GREB1L: variants seen among roughly 807,000 people sequenced by gnomAD.
GREB1L encodes the protein GREB1-like protein.
Under a neutral mutation model 200.8 loss-of-function variants are expected in GREB1L, and 17 were observed. The observed-to-expected ratio is 0.08, with a 90% confidence interval of 0.06 to 0.13. The LOEUF (loss-of-function observed/expected upper bound fraction) is 0.13, where lower values mean the gene tolerates loss of function less well. Among genes scored for constraint, GREB1L ranks in the 10% least tolerant of loss-of-function variants. The pLI is 1.00. For synonymous variants in GREB1L, 789 were observed against 893.0 expected, an observed-to-expected ratio of 0.88 and a Z score of 2.08; for missense variants, 1,657 against 2,367.7, an observed-to-expected ratio of 0.70 and a Z score of 6.23.
chr18:21,424,200 A>T (rs1465941184), intron 7 of GREB1L, among the ~76,000 whole-genome samples: 1 of 152,190 alleles, frequency 6.6e-6, no homozygotes, highest in African/African-American at 2.4e-5. Context: ...ACAGTAATGC[A>T]TAGTGTAATT....
intron 1 of GREB1L, among the ~76,000 whole-genome samples, chr18:21,332,754 C>T (rs2039124433): frequency 6.6e-6 from 1 of 152,268 alleles, no homozygotes; most frequent in East Asian, 1.9e-4. Context: ...AGATTACAGG[C>T]GTGAGCCACC....
At chr18:21,308,484 A>T (rs578190369) in intron 1 of GREB1L, among the ~76,000 whole-genome samples, 2 of 152,320 alleles carry the variant, frequency 1.3e-5, no homozygotes, top group East Asian at 3.9e-4. Flanking sequence ...AATAGCTGAG[A>T]GTATCATCGC....
intron 1 of GREB1L, among the ~76,000 whole-genome samples, chr18:21,346,368 G>A (rs1295822104): frequency 4.6e-5 from 7 of 151,748 alleles, no homozygotes; most frequent in Non-Finnish European, 8.8e-5. Flanking sequence ...GGGGAAATCC[G>A]TTCAAAGCTA....
chr18:21,418,031 A>C (rs116419069), intron 7 of GREB1L, among the ~76,000 whole-genome samples: 1 of 152,054 alleles, frequency 6.6e-6, no homozygotes, highest in Non-Finnish European at 1.5e-5. Context: ...TAGTAACTGC[A>C]TAGATAAATG....
At chr18:21,297,828 G>T (rs1424987603) in intron 1 of GREB1L, among the ~76,000 whole-genome samples, 1 of 151,876 alleles carries the variant, frequency 6.6e-6, no homozygotes, top group Non-Finnish European at 1.5e-5. Flanking sequence ...GAATTCTGAT[G>T]ATTAAAATCT....
chr18:21,335,206 G>T (rs1050784878), intron 1 of GREB1L, among the ~76,000 whole-genome samples: 1 of 152,240 alleles, frequency 6.6e-6, no homozygotes, highest in Admixed American at 6.5e-5. Context: ...GACGGTAAAC[G>T]TTTTTTAAAT....
At chr18:21,474,834 G>A (rs749117299) in intron 16 of GREB1L, among the ~76,000 whole-genome samples, 1 of 152,114 alleles carries the variant, frequency 6.6e-6, no homozygotes, top group Non-Finnish European at 1.5e-5. Flanking sequence ...TTAAGATTCC[G>A]CTCCTTGTTA....
intron 1 of GREB1L, among the ~76,000 whole-genome samples, chr18:21,268,560 CATAT>C (rs370094258): frequency 0.019 from 1,181 of 63,384 alleles, 5 homozygotes; most frequent in Non-Finnish European, 0.024. Flanking sequence ...CACACACACA[CATAT>C]ATATATATAT....
intron 1 of GREB1L, among the ~76,000 whole-genome samples, chr18:21,309,062 C>T (rs2038749340): frequency 6.6e-6 from 1 of 152,208 alleles, no homozygotes; most frequent in Non-Finnish European, 1.5e-5. Context: ...CAGTTAAGCA[C>T]AAGTCTTTTC....
intron 23 of GREB1L, among the ~76,000 whole-genome samples, chr18:21,501,812 T>G (rs2036806629): frequency 6.6e-6 from 1 of 152,186 alleles, no homozygotes; most frequent in African/African-American, 2.4e-5. Flanking sequence ...TAGAACTGAA[T>G]GCTGGCACTA....
At chr18:21,348,464 C>A (rs954529765) in intron 1 of GREB1L, among the ~76,000 whole-genome samples, 3 of 151,906 alleles carry the variant, frequency 2.0e-5, no homozygotes, top group African/African-American at 7.3e-5. Context: ...CATAGTGAGA[C>A]CCCATCTCTA....
intron 1 of GREB1L, among the ~76,000 whole-genome samples, chr18:21,344,981 T>C (rs1268869488): frequency 6.6e-6 from 1 of 152,198 alleles, no homozygotes; most frequent in Non-Finnish European, 1.5e-5. Flanking sequence ...TCTAATCAAT[T>C]ATTCCAAATC....
chr18:21,393,074 A>T (rs1228683442), intron 4 of GREB1L, among the ~76,000 whole-genome samples: 2 of 152,128 alleles, frequency 1.3e-5, no homozygotes, highest in African/African-American at 2.4e-5. Context: ...ACCTCGCCTC[A>T]TCCAATGTTT....
chr18:21,460,652 T>C (rs1412345872), intron 15 of GREB1L, among the ~76,000 whole-genome samples: 4 of 152,002 alleles, frequency 2.6e-5, no homozygotes, highest in African/African-American at 9.7e-5. Context: ...TTTTTGATTG[T>C]TTAGTTGGTT....
intron 15 of GREB1L, chr18:21,454,971 C>T (rs923939265): frequency 2.4e-5 from 5 of 206,540 alleles, no homozygotes; most frequent in Non-Finnish European, 2.0e-5. Flanking sequence ...ATTAACAGCA[C>T]GTCTGGGACC....
chr18:21,436,106 CAG>C (rs1166199578), intron 7 of GREB1L, among the ~76,000 whole-genome samples: 1 of 152,078 alleles, frequency 6.6e-6, no homozygotes, highest in Non-Finnish European at 1.5e-5. Flanking sequence ...TCATCTGAGA[CAG>C]GGATACAGAA....
In GREB1L at chr18:21,490,208, C is replaced by T. The variant is rs1166491712; in HGVS notation, c.2887C>T (p.Pro963Ser). 3.9e-6 allele frequency: 6 copies of T among 1,551,790 alleles called. No homozygotes were observed. Among genetic ancestry groups the T allele is most frequent in the Non-Finnish European group, 4.4e-6 (5 of 1,147,026 alleles). Residue 963 changes from proline to serine, a missense_variant, in exon 19 of 33, where the codon CCC becomes TCC. This residue lies in a region of GREB1L where 512 missense variants were observed against 668.3 expected (regional missense o/e 0.77). Transcript: ENST00000424526. The part of the protein sequence containing the change: ...GRGHMLIIRV[P>S]SVQLAMLAKE... ...GGGACACATGCTCATTATCAGGGTG[C>T]CCTCGGTGCAGCTGGCGATGTTAGC...
chr18:21,497,807 C>CT, intron 21 of GREB1L, among the ~76,000 whole-genome samples: 2 of 101,700 alleles, frequency 2.0e-5, no homozygotes, highest in Non-Finnish European at 2.2e-5. Context: ...CTTCTCCCCT[C>CT]ACCACCCCCC....
rs954242850 is a variant in GREB1L, at chr18:21,500,739, A to G, written c.4072+97A>G. ...TGCTTTTGGCTTCTGGGATTTCTACAGTACCTAACCTGCAGAGTTATTGGG... is the reference window on the plus strand; with the variant it reads ...TGCTTTTGGCTTCTGGGATTTCTACGGTACCTAACCTGCAGAGTTATTGGG... On this transcript the variant is annotated intron_variant, in intron 23 of 32. Coordinates refer to ENST00000424526, the MANE Select transcript of GREB1L (RefSeq NM_001142966.3). 9 of 825,424 alleles carry G rather than the reference A, an allele frequency of 1.1e-5. No homozygotes were observed. The Admixed American group carries it at 2.3e-4, about 21-fold the overall frequency. 51.1% of individuals were successfully genotyped at this position (825,424 alleles called of 1,614,324 possible). A position where few individuals can be genotyped will look rare whatever the true frequency, so the allele number is the denominator to read the frequency against.
Sources: allele counts gnomAD v4.1 joint callset (sites outside exome capture counted in the v4.1 genomes callset), GRCh38; gene constraint gnomAD v4.1.1; regional missense constraint gnomAD v4.1.1; transcripts MANE v1.5; gene names NCBI Gene and HGNC (gene_info 2026-07-23, HGNC 2026-07-21).